FKBP5: variants seen among roughly 807,000 people sequenced by gnomAD.
FKBP5 encodes the protein peptidyl-prolyl cis-trans isomerase FKBP5.
Under a neutral mutation model 50.5 loss-of-function variants are expected in FKBP5, and 23 were observed. The observed-to-expected ratio is 0.46, with a 90% CI of 0.33 to 0.65. The LOEUF (loss-of-function observed/expected upper bound fraction) is 0.65, where lower values mean the gene tolerates loss of function less well. Among genes scored for constraint, FKBP5 ranks in the 30% least tolerant of loss-of-function variants. FKBP5 has a pLI of 0.02. For missense variants in FKBP5, 411 were observed against 553.1 expected (o/e 0.74, Z 2.58); for synonymous variants, 176 against 190.6 (o/e 0.92, Z 0.63).
rs1219431414 is a variant in FKBP5, at chr6:35,642,773, C to G, written c.52G>C (p.Val18Leu). The change falls in exon 2 of 11, where the codon GTT becomes CTT. Residue 18 changes from valine (V) to leucine (L), a missense_variant. By Grantham distance (32) the Val-to-Leu change is conservative. Around this residue, in one of 3 missense-constraint regions of FKBP5, gnomAD observed 56 missense variants for 58.2 expected, o/e 0.96. Coordinates refer to ENST00000357266, the MANE Select transcript of FKBP5 (RefSeq NM_004117.4). The part of the protein sequence containing the change: ...KNNEESPTAT[V>L]AEQGEDITSK... ...GTAATATCCTCTCCCTGCTCAGCAA[C>G]AGTGGCTGTGGGGCTTTCTTCATTG... 3 of 1,614,074 alleles carry G rather than the reference C, an allele frequency of 1.9e-6. No homozygotes were observed. In the East Asian group the frequency reaches 6.7e-5, roughly 36 times the overall value.
At chr6:35,589,402 T>G (rs1762744500) in intron 7 of FKBP5, among the ~76,000 whole-genome samples, 1 of 152,092 alleles carries the variant, frequency 6.6e-6, no homozygotes, top group African/African-American at 2.4e-5. Flanking sequence ...GTGCTAGGAT[T>G]ACAGGCGTGA....
At chr6:35,655,723 T>TATTC (rs1764927725) in intron 1 of FKBP5, among the ~76,000 whole-genome samples, 1 of 152,238 alleles carries the variant, frequency 6.6e-6, no homozygotes, top group Non-Finnish European at 1.5e-5. Context: ...AAGCTAAGTA[T>TATTC]ATTCCTTCTC....
Position 35,660,189 on chromosome 6 carries a change from T to C in FKBP5, c.-19-17346A>G, listed in dbSNP as rs1168588140. Among the ~76,000 whole-genome samples the C allele has an allele frequency of 2.4e-5, 2 of 84,096 alleles. 1 individual carries two copies. The highest frequency in any genetic ancestry group is 5.5e-5 in the Non-Finnish European group (2 of 36,586). The allele number at this position is 84,096 out of a possible 152,430, so 55.2% of individuals were successfully genotyped here. A position where few individuals can be genotyped will look rare whatever the true frequency, so the allele number is the denominator to read the frequency against. ...TAATTTTCCAAGTATCTTTCTGTTA[T>C]TGACTTTTAATTTAACTCCCTTTTG... is the stretch of plus-strand genomic sequence containing the variant. On this transcript the variant is annotated intron_variant, in intron 1 of 10. Transcript: ENST00000357266.
intron 5 of FKBP5, among the ~76,000 whole-genome samples, chr6:35,609,533 G>A (rs1013113388): frequency 6.6e-6 from 1 of 152,022 alleles, no homozygotes; most frequent in Admixed American, 6.6e-5. Context: ...CCTTCCTCCT[G>A]GGTACCACTA....
At chr6:35,673,471 G>A (rs1398307264) in intron 1 of FKBP5, among the ~76,000 whole-genome samples, 1 of 151,916 alleles carries the variant, frequency 6.6e-6, no homozygotes, top group African/African-American at 2.4e-5. Flanking sequence ...GAACGCTTGA[G>A]CCTGGGAAGG....
At chr6:35,723,601 G>A (rs982877189) in intron 1 of FKBP5, among the ~76,000 whole-genome samples, 13 of 152,212 alleles carry the variant, frequency 8.5e-5, no homozygotes, top group Non-Finnish European at 1.5e-4. Context: ...CAGTGAACAA[G>A]GAGAGAGAAA....
intron 9 of FKBP5, among the ~76,000 whole-genome samples, chr6:35,578,979 G>GT (rs1762326944): frequency 6.6e-6 from 1 of 151,538 alleles, no homozygotes; most frequent in African/African-American, 2.4e-5. Context: ...AGCAGGGTGT[G>GT]GTGGCATGCA....
intron 2 of FKBP5, among the ~76,000 whole-genome samples, chr6:35,639,678 C>G (rs1764421714): frequency 6.6e-6 from 1 of 152,158 alleles, no homozygotes; most frequent in African/African-American, 2.4e-5. Context: ...AAATCTATAG[C>G]ATAAAGCCCT....
chr6:35,667,554 T>C lies in FKBP5; in HGVS notation c.-20+21250A>G, dbSNP rs1298978177. Among the ~76,000 whole-genome samples the C allele has an allele frequency of 2.6e-5, 4 of 152,308 alleles. No homozygotes were observed. In the South Asian group the frequency reaches 8.3e-4, roughly 32 times the overall value. On this transcript the variant is annotated intron_variant, in intron 1 of 10. Coordinates refer to ENST00000357266, the MANE Select transcript of FKBP5 (RefSeq NM_004117.4). Reference sequence around the variant, plus strand: ...AAGCATAATCTGTGGAAAGAACAATTCAACAAGCACTCTTTCAAATAAACA... The same window carrying C: ...AAGCATAATCTGTGGAAAGAACAATCCAACAAGCACTCTTTCAAATAAACA...
intron 1 of FKBP5, among the ~76,000 whole-genome samples, chr6:35,686,662 ACTT>A (rs1765836238): frequency 6.6e-6 from 1 of 152,200 alleles, no homozygotes; most frequent in African/African-American, 2.4e-5. Flanking sequence ...AACAGCAGTA[ACTT>A]CTTCTACAGG....
intron 1 of FKBP5, among the ~76,000 whole-genome samples, chr6:35,680,658 A>G (rs1351093120): frequency 6.6e-6 from 1 of 152,224 alleles, no homozygotes; most frequent in African/African-American, 2.4e-5. Context: ...CCACTTACCA[A>G]TGATCAAGAA....
chr6:35,691,866 A>G (rs2151016023), upstream of FKBP5, among the ~76,000 whole-genome samples: 1 of 152,276 alleles, frequency 6.6e-6, no homozygotes, highest in East Asian at 1.9e-4. Context: ...TTCCATGGGT[A>G]TGTGACCTGT....
chr6:35,595,137 T>C (rs1239483378), intron 6 of FKBP5, among the ~76,000 whole-genome samples: 1 of 152,220 alleles, frequency 6.6e-6, no homozygotes, highest in African/African-American at 2.4e-5. Flanking sequence ...GTTAAGTGCC[T>C]TGGCCAAGCG....
intron 5 of FKBP5, among the ~76,000 whole-genome samples, chr6:35,598,911 T>A (rs1763062820): frequency 6.6e-6 from 1 of 151,948 alleles, no homozygotes; most frequent in Admixed American, 6.6e-5. Context: ...GAGGTTGCAG[T>A]GAACTGAGAT....
At chr6:35,660,290 C>T (rs552471642) in intron 1 of FKBP5, among the ~76,000 whole-genome samples, 1 of 42,486 alleles carries the variant, frequency 2.4e-5, no homozygotes, top group African/African-American at 8.4e-5. Flanking sequence ...TTTTTTGAGA[C>T]GGAGTTTTGC....
At chr6:35,695,090 G>A (rs1766060982) in intron 2 of FKBP5, among the ~76,000 whole-genome samples, 1 of 152,166 alleles carries the variant, frequency 6.6e-6, no homozygotes, top group Non-Finnish European at 1.5e-5. Flanking sequence ...ACTTAACGGT[G>A]AGAGAATGGA....
intron 8 of FKBP5, chr6:35,586,551 G>A: frequency 1.0e-6 from 1 of 984,232 alleles, no homozygotes; most frequent in African/African-American, 1.8e-5. Flanking sequence ...AGGATTGCTT[G>A]AGGCTAGAAG....
chr6:35,723,015 T>C (rs1005470328), intron 1 of FKBP5, among the ~76,000 whole-genome samples: 1 of 152,068 alleles, frequency 6.6e-6, no homozygotes, highest in Non-Finnish European at 1.5e-5. Context: ...GGGCGGATCA[T>C]GAGATCAGGA....
chr6:35,589,128 A>ATATATTT lies in FKBP5; in HGVS notation c.756+2001_756+2002insAAATATA, dbSNP rs1427010607. Among the ~76,000 whole-genome samples, 87 of 121,540 alleles carry ATATATTT rather than the reference A, an allele frequency of 7.2e-4. 1 individual carries two copies. The highest frequency in any genetic ancestry group is 2.6e-3 in the African/African-American group (80 of 31,246). The allele number at this position is 121,540 out of a possible 152,430, so 79.7% of individuals were successfully genotyped here. On this transcript the variant is annotated intron_variant, in intron 7 of 10. Transcript: ENST00000357266. Reference sequence around the variant, plus strand: ...TATATTTTTATATATATATATATATATTTTTTTTTTTTTCCTCTGAGACGG... The same window carrying ATATATTT: ...TATATTTTTATATATATATATATATATATATTTTTTTTTTTTTTTTCCTCTGAGACGG...
Sources: allele counts gnomAD v4.1 joint callset (sites outside exome capture counted in the v4.1 genomes callset), GRCh38; gene constraint gnomAD v4.1.1; regional missense constraint gnomAD v4.1.1; transcripts MANE v1.5; gene names NCBI Gene and HGNC (gene_info 2026-07-23, HGNC 2026-07-21).